The following ANO4 variants were observed in gnomAD, a reference collection of about 807,000 sequenced individuals.
The protein encoded by ANO4 is anoctamin 4, also known as anoctamin-4.
ANO4 carries 69 observed loss-of-function variants against 141.9 expected under a neutral mutation model. The observed-to-expected ratio is 0.49, with a 90% CI of 0.40 to 0.59. ANO4 has a LOEUF of 0.59. Among genes scored for constraint, ANO4 ranks in the 20% least tolerant of loss-of-function variants. The pLI is 0.00. For synonymous variants in ANO4, 350 were observed against 394.3 expected (o/e 0.89, Z 1.33); for missense variants, 894 against 1,162.2 (o/e 0.77, Z 3.36).
chr12:101,033,400 T>A (rs553772096), intron 9 of ANO4, among the ~76,000 whole-genome samples: 209 of 152,198 alleles, frequency 1.4e-3, no homozygotes, highest in African/African-American at 4.7e-3. Context: ...CACACCAGCA[T>A]GTCACATGTA....
chr12:100,916,237 G>A (rs1044314519), intron 2 of ANO4, among the ~76,000 whole-genome samples: 3 of 152,030 alleles, frequency 2.0e-5, no homozygotes, highest in Admixed American at 1.3e-4. Flanking sequence ...AAGCCCTTTG[G>A]TACTTTGATA....
chr12:100,911,960 T>C (rs2041118954), intron 2 of ANO4, among the ~76,000 whole-genome samples: 1 of 152,152 alleles, frequency 6.6e-6, no homozygotes, highest in Non-Finnish European at 1.5e-5. Flanking sequence ...TTTCACAAAT[T>C]TTTCTCCTGC....
At chr12:101,110,092 T>TATTG (rs1469465218) in intron 22 of ANO4, among the ~76,000 whole-genome samples, 7 of 152,176 alleles carry the variant, frequency 4.6e-5, no homozygotes, top group Admixed American at 2.6e-4. Context: ...GCTTCTCTTG[T>TATTG]ATTGTCCCTA....
intron 1 of ANO4, among the ~76,000 whole-genome samples, chr12:100,732,161 T>C (rs1208070054): frequency 6.6e-6 from 1 of 152,242 alleles, no homozygotes; most frequent in Non-Finnish European, 1.5e-5. Context: ...TTGTAATAAA[T>C]TGCCAAACTC....
intron 15 of ANO4, among the ~76,000 whole-genome samples, chr12:101,081,445 C>T (rs535474041): frequency 2.6e-5 from 4 of 152,106 alleles, no homozygotes; most frequent in Non-Finnish European, 5.9e-5. Context: ...CTTCCCAGCC[C>T]CTGATAAAAA....
intron 15 of ANO4, among the ~76,000 whole-genome samples, chr12:101,081,362 T>A (rs1240442480): frequency 6.6e-6 from 1 of 151,848 alleles, no homozygotes; most frequent in African/African-American, 2.4e-5. Context: ...ATTGTTGGCG[T>A]TTGTGGTGGG....
chr12:100,816,449 G>A (rs2035745712), intron 1 of ANO4, among the ~76,000 whole-genome samples: 1 of 151,896 alleles, frequency 6.6e-6, no homozygotes, highest in Non-Finnish European at 1.5e-5. Flanking sequence ...AAGGCCCTGT[G>A]GTAGGAAGGA....
chr12:101,044,025 T>A (rs1454389732), intron 13 of ANO4, among the ~76,000 whole-genome samples: 3 of 152,200 alleles, frequency 2.0e-5, no homozygotes, highest in Admixed American at 6.5e-5. Context: ...GGAGTTAAGG[T>A]GTATACTGAG....
intron 17 of ANO4, among the ~76,000 whole-genome samples, chr12:101,087,452 A>G (rs1198886761): frequency 6.6e-6 from 1 of 152,056 alleles, no homozygotes; most frequent in Non-Finnish European, 1.5e-5. Flanking sequence ...GGTTCAGGAA[A>G]GTGAAGGCTT....
chr12:100,736,970 G>A (rs990913875), intron 2 of ANO4, among the ~76,000 whole-genome samples: 4 of 152,074 alleles, frequency 2.6e-5, no homozygotes, highest in African/African-American at 9.7e-5. Context: ...ATAAATTTCT[G>A]TTGTTTTAAG....
chr12:100,834,225 T>C (rs933651752), intron 1 of ANO4, among the ~76,000 whole-genome samples: 5 of 152,166 alleles, frequency 3.3e-5, no homozygotes, highest in African/African-American at 1.2e-4. Flanking sequence ...AAGAAGAGAC[T>C]GTGTGATGGG....
chr12:100,772,743 G>T (rs979209857), intron 3 of ANO4, among the ~76,000 whole-genome samples: 2 of 151,976 alleles, frequency 1.3e-5, no homozygotes, highest in African/African-American at 2.4e-5. Context: ...CATTCTTCCT[G>T]GTCAGAAGAA....
Position 101,014,539 on chromosome 12 carries a change from C to A in ANO4, c.735-5495C>A, listed in dbSNP as rs181263137. Among the ~76,000 whole-genome samples, 302 of 152,302 alleles carry A rather than the reference C, an allele frequency of 2.0e-3. 1 individual carries two copies. Among genetic ancestry groups the A allele is most frequent in the African/African-American group, 6.8e-3 (283 of 41,572 alleles). On this transcript the variant is annotated intron_variant, in intron 8 of 27. Transcript: ENST00000392977. Reference sequence around the variant, plus strand: ...GCAGAAAGCCCTTCACACACATGCACACAGGCAGACCTGGGCCCCTCACAG... The same window carrying A: ...GCAGAAAGCCCTTCACACACATGCAAACAGGCAGACCTGGGCCCCTCACAG...
chr12:101,089,845 C>G (rs1047266455), intron 17 of ANO4, among the ~76,000 whole-genome samples: 4 of 151,962 alleles, frequency 2.6e-5, no homozygotes, highest in African/African-American at 9.7e-5. Flanking sequence ...TACAATCTAC[C>G]CATCTGACAA....
chr12:101,042,349 G>A lies in ANO4; in HGVS notation c.1035G>A (p.Glu345=), dbSNP rs1219893392. ...TCTTTAACAGGCGGTACTTTGGAGAGAAGATTGGGTTATATTTTGCCTGGT... is the reference window on the plus strand; with the variant it reads ...TCTTTAACAGGCGGTACTTTGGAGAAAAGATTGGGTTATATTTTGCCTGGT... ...PLDLVRRYFG[E]KIGLYFAWLG... is the part of the protein sequence containing the mutation. The change falls in exon 12 of 28, where the codon GAG becomes GAA. Residue 345 remains glutamate (E), a synonymous_variant. Coordinates refer to ENST00000392977, the MANE Select transcript of ANO4 (RefSeq NM_001286615.2). The A allele has an allele frequency of 6.2e-7, 1 of 1,614,130 alleles. No homozygotes were observed. Among genetic ancestry groups the A allele is most frequent in the Admixed American group, 1.7e-5 (1 of 60,016 alleles).
chr12:100,857,214 A>G (rs948947926), intron 1 of ANO4, among the ~76,000 whole-genome samples: 7 of 152,144 alleles, frequency 4.6e-5, no homozygotes, highest in Non-Finnish European at 7.4e-5. Context: ...CTTCGTTGCT[A>G]AGAAGCTTGA....
At chr12:100,915,930 AAC>A (rs2041316885) in intron 2 of ANO4, among the ~76,000 whole-genome samples, 1 of 152,192 alleles carries the variant, frequency 6.6e-6, no homozygotes, top group Admixed American at 6.5e-5. Flanking sequence ...TAATTGATTG[AAC>A]AAGGAAAGGA....
At chr12:101,045,198 A>G (rs2047572208) in intron 13 of ANO4, among the ~76,000 whole-genome samples, 1 of 152,222 alleles carries the variant, frequency 6.6e-6, no homozygotes, top group Non-Finnish European at 1.5e-5. Context: ...TAGCTAGACA[A>G]TCTACATTGA....
At chr12:101,119,311 T>A (rs185232369) in intron 25 of ANO4, among the ~76,000 whole-genome samples, 5 of 152,056 alleles carry the variant, frequency 3.3e-5, no homozygotes, top group East Asian at 1.9e-4. Flanking sequence ...TACAAAAAAA[T>A]TAGCCAGGCA....
Sources: gnomAD v4.1 joint callset for allele counts (sites outside exome capture counted in the v4.1 genomes callset) on GRCh38, gnomAD v4.1.1 for gene constraint, MANE v1.5 for transcripts, NCBI Gene and HGNC (gene_info 2026-07-23, HGNC 2026-07-21) for gene names.